Variants in SEMA5A observed in about 807,000 individuals in gnomAD.
SEMA5A encodes semaphorin 5A, also known as semaphorin-5A.
SEMA5A carries 55 observed loss-of-function variants against 135.5 expected under a neutral mutation model. The observed-to-expected ratio is 0.41, with a 90% CI of 0.33 to 0.51. SEMA5A has a LOEUF of 0.51. Among genes scored for constraint, SEMA5A ranks in the 20% least tolerant of loss-of-function variants. The pLI, the probability that SEMA5A is intolerant of heterozygous loss-of-function variation, is 0.37. For synonymous variants in SEMA5A, 580 were observed against 546.5 expected, an observed-to-expected ratio of 1.06 and a Z score of -0.85; for missense variants, 1,290 against 1,419.9, an observed-to-expected ratio of 0.91 and a Z score of 1.47.
chr5:9,387,084 G>A (rs1327366671), intron 2 of SEMA5A, among the ~76,000 whole-genome samples: 1 of 152,180 alleles, frequency 6.6e-6, no homozygotes, highest in African/African-American at 2.4e-5. Flanking sequence ...AAGGTGCAGT[G>A]ACAGGCCACA....
intron 2 of SEMA5A, among the ~76,000 whole-genome samples, chr5:9,381,537 G>T (rs1223755741): frequency 6.6e-6 from 1 of 152,158 alleles, no homozygotes; most frequent in African/African-American, 2.4e-5. Flanking sequence ...GCTACATCCT[G>T]TAGCTTAGAA....
intron 16 of SEMA5A, among the ~76,000 whole-genome samples, chr5:9,093,442 C>T (rs1012087861): frequency 1.3e-5 from 2 of 152,208 alleles, no homozygotes; most frequent in African/African-American, 2.4e-5. Context: ...GGCGTGGTAG[C>T]TCATGCCTAT....
At chr5:9,291,724 T>C (rs549092829) in intron 5 of SEMA5A, among the ~76,000 whole-genome samples, 9 of 151,216 alleles carry the variant, frequency 6.0e-5, no homozygotes, top group African/African-American at 2.2e-4. Context: ...CCTCATCTGA[T>C]GCCAACACAA....
chr5:9,499,871 T>C (rs1191827406), intron 1 of SEMA5A, among the ~76,000 whole-genome samples: 1 of 151,040 alleles, frequency 6.6e-6, no homozygotes, highest in Non-Finnish European at 1.5e-5. Context: ...CATCATAGAG[T>C]AATATAGCAA....
chr5:9,256,024 A>T (rs2150501077), intron 5 of SEMA5A, among the ~76,000 whole-genome samples: 1 of 152,228 alleles, frequency 6.6e-6, no homozygotes, highest in Middle Eastern at 3.4e-3. Context: ...CCAACAAATC[A>T]TGTTGACTGG....
chr5:9,300,097 G>T (rs10075986), intron 5 of SEMA5A, among the ~76,000 whole-genome samples: 1 of 152,104 alleles, frequency 6.6e-6, no homozygotes, highest in Admixed American at 6.5e-5. Flanking sequence ...CACTATCATG[G>T]CTCACTGCAG....
intron 2 of SEMA5A, among the ~76,000 whole-genome samples, chr5:9,401,073 C>T (rs1214929004): frequency 6.6e-6 from 1 of 152,066 alleles, no homozygotes; most frequent in Non-Finnish European, 1.5e-5. Flanking sequence ...TTCTTCACTC[C>T]AACTTGTTTA....
At chr5:9,255,253 G>C (rs975235514) in intron 5 of SEMA5A, among the ~76,000 whole-genome samples, 1 of 152,166 alleles carries the variant, frequency 6.6e-6, no homozygotes, top group Non-Finnish European at 1.5e-5. Context: ...TGCTTCTTTT[G>C]AGGGGAAAGG....
chr5:9,442,705 TATATTCCAC>T (rs1758284677), intron 1 of SEMA5A, among the ~76,000 whole-genome samples: 1 of 152,092 alleles, frequency 6.6e-6, no homozygotes, highest in Non-Finnish European at 1.5e-5. Flanking sequence ...ACAAAGAAAA[TATATTCCAC>T]ATTCCCAGAA....
At chr5:9,384,515 G>A (rs1413250190) in intron 2 of SEMA5A, among the ~76,000 whole-genome samples, 1 of 150,092 alleles carries the variant, frequency 6.7e-6, no homozygotes. Context: ...GCCCCTGGTT[G>A]AGAACCTCTG....
chr5:9,054,001 T>C (rs1736744147), intron 19 of SEMA5A, 86 bp downstream of exon 19: 3 of 1,453,792 alleles, frequency 2.1e-6, no homozygotes, highest in South Asian at 2.7e-5. Flanking sequence ...CTTACCATGA[T>C]GCAGTATCAT....
intron 16 of SEMA5A, among the ~76,000 whole-genome samples, chr5:9,088,659 T>TATATATATATATATATATATATAC: frequency 8.9e-6 from 1 of 112,872 alleles, no homozygotes; most frequent in African/African-American, 4.3e-5. Flanking sequence ...TATATATATA[T>TATATATATATATATATATATATAC]ACACACACAC....
chr5:9,375,410 C>G (rs1755324788), intron 3 of SEMA5A, among the ~76,000 whole-genome samples: 1 of 151,844 alleles, frequency 6.6e-6, no homozygotes, highest in Non-Finnish European at 1.5e-5. Flanking sequence ...AGACTACAGA[C>G]TAAGAGACTG....
At chr5:9,082,266 G>C (rs896587566) in intron 16 of SEMA5A, among the ~76,000 whole-genome samples, 2 of 152,182 alleles carry the variant, frequency 1.3e-5, no homozygotes, top group East Asian at 3.9e-4. Context: ...TCAAAAGATT[G>C]AGGATGGAGT....
chr5:9,414,516 C>T (rs898400459), intron 2 of SEMA5A, among the ~76,000 whole-genome samples: 3 of 152,200 alleles, frequency 2.0e-5, no homozygotes, highest in Admixed American at 1.3e-4. Context: ...CACTTTCAAA[C>T]GTTTAGGCAT....
chr5:9,297,161 CATATATATATACATATACATATGT>C, intron 5 of SEMA5A, among the ~76,000 whole-genome samples: 1 of 151,814 alleles, frequency 6.6e-6, no homozygotes, highest in Non-Finnish European at 1.5e-5. Flanking sequence ...TAAAAAAATA[CATATATATATACATATACATATGT>C]ATATACACAT....
chr5:9,141,003 C>T (rs556178592), intron 12 of SEMA5A, among the ~76,000 whole-genome samples: 11 of 152,232 alleles, frequency 7.2e-5, no homozygotes, highest in African/African-American at 2.6e-4. Flanking sequence ...TCTGATGATT[C>T]CAATGGTTCT....
At chr5:9,475,069 C>G (rs1308450207) in intron 1 of SEMA5A, among the ~76,000 whole-genome samples, 4 of 152,206 alleles carry the variant, frequency 2.6e-5, no homozygotes, top group African/African-American at 9.7e-5. Context: ...AGCCTCCCGA[C>G]TAGCTGGGGT....
chr5:9,072,581 A>G (rs146879455), intron 16 of SEMA5A, among the ~76,000 whole-genome samples: 215 of 152,294 alleles, frequency 1.4e-3, no homozygotes, highest in African/African-American at 4.8e-3. Context: ...TGCTTCAAAG[A>G]GCAAAACCAA....
Sources: gnomAD v4.1 joint callset for allele counts (sites outside exome capture counted in the v4.1 genomes callset) on GRCh38, gnomAD v4.1.1 for gene constraint, MANE v1.5 for transcripts, NCBI Gene and HGNC (gene_info 2026-07-23, HGNC 2026-07-21) for gene names.